FHOD3: variants seen among roughly 807,000 people sequenced by gnomAD.
The protein encoded by FHOD3 is formin homology 2 domain containing 3.
A neutral mutation model predicts 173.0 loss-of-function variants in FHOD3; 90 were observed. The ratio of observed to expected loss-of-function variants is 0.52; its 90% CI spans 0.44 to 0.62. FHOD3 has a LOEUF of 0.62. Among genes scored for constraint, FHOD3 ranks in the 20% least tolerant of loss-of-function variants. The pLI is 0.00. For missense variants in FHOD3, 1,945 were observed against 2,034.7 expected (o/e 0.96, Z 0.85); for synonymous variants, 828 against 823.0 (o/e 1.01, Z -0.10).
At chr18:36,599,763 T>G (rs1468216581) in intron 7 of FHOD3, among the ~76,000 whole-genome samples, 2 of 152,192 alleles carry the variant, frequency 1.3e-5, no homozygotes, top group Non-Finnish European at 2.9e-5. Flanking sequence ...GTGGTCCACC[T>G]GGGGGTAAAC....
chr18:36,342,268 G>T (rs113944356), intron 1 of FHOD3, among the ~76,000 whole-genome samples: 32 of 152,042 alleles, frequency 2.1e-4, no homozygotes, highest in African/African-American at 7.7e-4. Flanking sequence ...ATAACAGAAT[G>T]GGAAAAGAAG....
chr18:36,772,969 G>A (rs916562657), intron 28 of FHOD3, among the ~76,000 whole-genome samples: 6 of 152,196 alleles, frequency 3.9e-5, no homozygotes, highest in Non-Finnish European at 8.8e-5. Context: ...CAGGACAAGA[G>A]GATAAACAGA....
In FHOD3 at chr18:36,512,541, G is replaced by A. The variant is rs1462419555; in HGVS notation, c.509G>A (p.Arg170Lys). 1.9e-6 allele frequency: 3 copies of A among 1,612,178 alleles called. No homozygotes were observed. The highest frequency in any genetic ancestry group is 1.3e-5 in the African/African-American group (1 of 74,860). ...CAGAACTATCAGAACTACATCTTAA[G>A]GGGTAAGTCATGACTGGGCATGCAG... ...ADQNYQNYIL[R>K]ALGQIMLYVD... The change falls in exon 5 of 29, where the codon AGG (arginine) becomes AAG (lysine). Residue 170 changes from arginine to lysine, a missense_variant and splice_region_variant. By Grantham distance (26) the Arg-to-Lys change is conservative. Transcript: ENST00000590592.
intron 3 of FHOD3, among the ~76,000 whole-genome samples, chr18:36,488,648 G>C (rs1010473874): frequency 1.3e-5 from 2 of 152,224 alleles, no homozygotes; most frequent in Non-Finnish European, 2.9e-5. Context: ...CTTGTGCCAG[G>C]TGTGTTTCCA....
At chr18:36,302,057 G>C (rs1214128296) in intron 1 of FHOD3, among the ~76,000 whole-genome samples, 4 of 152,194 alleles carry the variant, frequency 2.6e-5, no homozygotes, top group Non-Finnish European at 1.5e-5. Flanking sequence ...GAGAGACCAA[G>C]ATTGGAAGGA....
intron 3 of FHOD3, among the ~76,000 whole-genome samples, chr18:36,429,284 A>G (rs907063383): frequency 6.6e-6 from 1 of 152,204 alleles, no homozygotes; most frequent in East Asian, 1.9e-4. Flanking sequence ...GATACCTTGT[A>G]TAATATGATT....
intron 28 of FHOD3, among the ~76,000 whole-genome samples, chr18:36,773,446 T>C (rs1156620455): frequency 1.3e-5 from 2 of 152,222 alleles, no homozygotes; most frequent in Admixed American, 6.5e-5. Context: ...TCATTTTTGC[T>C]GCCAAGTTCA....
At chr18:36,346,169 C>A (rs181778156) in intron 1 of FHOD3, among the ~76,000 whole-genome samples, 5 of 152,290 alleles carry the variant, frequency 3.3e-5, no homozygotes, top group Admixed American at 1.3e-4. Context: ...AGTTCAAGAC[C>A]AGCCTGGGCA....
At chr18:36,617,370 G>C (rs933745975) in intron 9 of FHOD3, among the ~76,000 whole-genome samples, 1 of 152,120 alleles carries the variant, frequency 6.6e-6, no homozygotes, top group Non-Finnish European at 1.5e-5. Context: ...TTTATAAATG[G>C]AATCGTATCT....
chr18:36,448,309 C>T (rs2051617713), intron 3 of FHOD3, among the ~76,000 whole-genome samples: 2 of 152,174 alleles, frequency 1.3e-5, no homozygotes, highest in Non-Finnish European at 2.9e-5. Context: ...AGGGTAGAAG[C>T]CATCCCAGAG....
At chr18:36,391,532 G>A (rs1264740136) in intron 3 of FHOD3, among the ~76,000 whole-genome samples, 1 of 152,176 alleles carries the variant, frequency 6.6e-6, no homozygotes, top group Non-Finnish European at 1.5e-5. Flanking sequence ...GCCTACAACT[G>A]CAGTGAGTGA....
At chr18:36,725,173 C>T (rs1035183098) in intron 19 of FHOD3, among the ~76,000 whole-genome samples, 1 of 152,194 alleles carries the variant, frequency 6.6e-6, no homozygotes, top group African/African-American at 2.4e-5. Flanking sequence ...TCACTTCCTC[C>T]CTGAGAGTTC....
intron 14 of FHOD3, among the ~76,000 whole-genome samples, chr18:36,670,983 G>A (rs1252794372): frequency 6.6e-6 from 1 of 152,198 alleles, no homozygotes; most frequent in Non-Finnish European, 1.5e-5. Context: ...GTTTTTCTCT[G>A]TAACTGTTGG....
chr18:36,355,603 C>T lies in FHOD3; in HGVS notation c.230C>T (p.Ala77Val). Residue 77 changes from alanine to valine, a missense_variant, in exon 2 of 29, where the codon GCA (alanine) becomes GTA (valine). By Grantham distance (64) the Ala-to-Val change is moderately conservative. This residue lies in a region of FHOD3 where 245 missense variants were observed against 267.7 expected (regional missense o/e 0.92). Transcript: ENST00000590592. ...TACCTGGATTTGGAGGCCACCCTGG[C>T]AGAGCAGCGGGATGAGTTGGAAGGC... ...GAYLDLEATL[A>V]EQRDELEGFQ... is the part of the protein sequence containing the mutation. 6.2e-7 allele frequency: 1 copy of T among 1,614,088 alleles called. No homozygotes were observed. Among genetic ancestry groups the T allele is most frequent in the South Asian group, 1.1e-5 (1 of 91,066 alleles).
intron 24 of FHOD3, among the ~76,000 whole-genome samples, chr18:36,753,859 A>T (rs555876807): frequency 6.6e-6 from 1 of 152,298 alleles, no homozygotes; most frequent in South Asian, 2.1e-4. Flanking sequence ...TTTAGGAGAA[A>T]TGTCTATTCA....
In FHOD3 at chr18:36,711,756, A is replaced by G. The variant is rs147644600; in HGVS notation, c.2533+2365A>G. ...CTAGGAACCTCTGGACTTAAATTATATGACAGTGAAGCTCCAAGTAAAACT... is the reference window on the plus strand; with the variant it reads ...CTAGGAACCTCTGGACTTAAATTATGTGACAGTGAAGCTCCAAGTAAAACT... On this transcript the variant is annotated intron_variant, in intron 18 of 28. Transcript: ENST00000590592. 1.5e-3 allele frequency among the ~76,000 whole-genome samples: 235 copies of G among 152,352 alleles called. 1 individual carries two copies. Among genetic ancestry groups the G allele is most frequent in the Non-Finnish European group, 2.7e-3 (181 of 68,030 alleles).
At chr18:36,361,274 C>T (rs2046598890) in intron 2 of FHOD3, among the ~76,000 whole-genome samples, 1 of 152,094 alleles carries the variant, frequency 6.6e-6, no homozygotes, top group Admixed American at 6.5e-5. Context: ...GTGAGTTCAG[C>T]TGGGTTGAGT....
intron 1 of FHOD3, among the ~76,000 whole-genome samples, chr18:36,315,446 C>T (rs1051423964): frequency 6.6e-6 from 1 of 152,088 alleles, no homozygotes; most frequent in East Asian, 1.9e-4. Flanking sequence ...CACCCCGAGA[C>T]TCTTGATTCT....
intron 3 of FHOD3, among the ~76,000 whole-genome samples, chr18:36,374,504 T>C (rs1055838694): frequency 6.6e-6 from 1 of 152,256 alleles, no homozygotes; most frequent in African/African-American, 2.4e-5. Flanking sequence ...ACTGCTTCTT[T>C]GAAAGTTCAC....
Sources: gnomAD v4.1 joint callset for allele counts (sites outside exome capture counted in the v4.1 genomes callset) on GRCh38, gnomAD v4.1.1 for gene constraint, gnomAD v4.1.1 regional missense constraint, MANE v1.5 for transcripts, NCBI Gene and HGNC (gene_info 2026-07-23, HGNC 2026-07-21) for gene names.